The following NLGN1 variants were observed in gnomAD, a reference collection of about 807,000 sequenced individuals.
The protein encoded by NLGN1 is neuroligin 1, also known as neuroligin-1.
Under a neutral mutation model 65.5 loss-of-function variants are expected in NLGN1, and 12 were observed. The ratio of observed to expected loss-of-function variants is 0.18; its 90% CI spans 0.12 to 0.30. The LOEUF (loss-of-function observed/expected upper bound fraction) is 0.30. Among genes scored for constraint, NLGN1 ranks in the 10% least tolerant of loss-of-function variants. The pLI is 1.00. For missense variants in NLGN1, 750 were observed against 1,007.1 expected, an observed-to-expected ratio of 0.74 and a Z score of 3.46; for synonymous variants, 350 against 359.5, an observed-to-expected ratio of 0.97 and a Z score of 0.30.
At chr3:173,492,007 T>A (rs945509490) in intron 2 of NLGN1, among the ~76,000 whole-genome samples, 9 of 151,750 alleles carry the variant, frequency 5.9e-5, no homozygotes, top group African/African-American at 2.2e-4. Flanking sequence ...TAATTCCTCC[T>A]CACTGACAAG....
chr3:173,771,818 C>T (rs191895867), intron 3 of NLGN1, among the ~76,000 whole-genome samples: 27 of 151,696 alleles, frequency 1.8e-4, no homozygotes, highest in African/African-American at 5.6e-4. Context: ...GGGAGCCTTT[C>T]GGGCAGAAAA....
At chr3:173,799,428 AT>A (rs1483263917) in intron 3 of NLGN1, among the ~76,000 whole-genome samples, 2 of 152,012 alleles carry the variant, frequency 1.3e-5, no homozygotes, top group African/African-American at 4.8e-5. Flanking sequence ...TAAAACACTT[AT>A]TAAGCATTCA....
intron 4 of NLGN1, among the ~76,000 whole-genome samples, chr3:173,810,443 GT>G (rs1471603963): frequency 2.6e-5 from 4 of 152,166 alleles, no homozygotes. Flanking sequence ...CCTGAGCTGT[GT>G]TTTCACTGGG....
At chr3:173,426,514 T>C (rs1003018552) in intron 1 of NLGN1, among the ~76,000 whole-genome samples, 30 of 152,108 alleles carry the variant, frequency 2.0e-4, no homozygotes, top group Non-Finnish European at 4.1e-4. Flanking sequence ...TTTTTCTATA[T>C]TTGTTGAGAG....
intron 2 of NLGN1, among the ~76,000 whole-genome samples, chr3:173,552,616 G>T (rs907219942): frequency 2.6e-5 from 4 of 152,072 alleles, no homozygotes; most frequent in African/African-American, 7.2e-5. Context: ...TCTCCACAAG[G>T]CCAGAGTTCT....
chr3:173,458,168 A>G (rs1407704447), intron 2 of NLGN1, among the ~76,000 whole-genome samples: 3 of 152,082 alleles, frequency 2.0e-5, no homozygotes, highest in South Asian at 2.1e-4. Context: ...TAGAGAAAGC[A>G]TTGGAGAGTG....
chr3:174,255,643 A>G lies in NLGN1; in HGVS notation c.647-19672A>G, dbSNP rs1448164093. 2.0e-5 allele frequency among the ~76,000 whole-genome samples: 3 copies of G among 147,092 alleles called. No homozygotes were observed. In the East Asian group the frequency reaches 6.0e-4, roughly 29 times the overall value. ...TCTCTTTCTTTCTTTTCTTCTATTT[A>G]TTTATTTATTTATTTATTTATTTAT... On this transcript the variant is annotated intron_variant, in intron 4 of 6. Transcript: ENST00000457714.
intron 3 of NLGN1, among the ~76,000 whole-genome samples, chr3:173,655,250 A>G (rs1419101067): frequency 1.3e-5 from 2 of 152,176 alleles, no homozygotes; most frequent in Non-Finnish European, 2.9e-5. Context: ...CTGTTTCTTT[A>G]CATAAACTCT....
intron 4 of NLGN1, among the ~76,000 whole-genome samples, chr3:173,820,714 A>T (rs1467439647): frequency 6.6e-6 from 1 of 152,202 alleles, no homozygotes. Context: ...ACTCTACTGT[A>T]AGATATTTAC....
At chr3:173,402,431 A>C (rs1717866381) in intron 1 of NLGN1, among the ~76,000 whole-genome samples, 1 of 152,184 alleles carries the variant, frequency 6.6e-6, no homozygotes, top group South Asian at 2.1e-4. Flanking sequence ...TAGAAATATA[A>C]AAGATGGTGT....
chr3:173,986,878 C>G (rs1158911865), intron 4 of NLGN1, among the ~76,000 whole-genome samples: 1 of 152,144 alleles, frequency 6.6e-6, no homozygotes, highest in East Asian at 1.9e-4. Flanking sequence ...TTCTTGTGCC[C>G]TAGAGTAGCT....
intron 4 of NLGN1, among the ~76,000 whole-genome samples, chr3:174,254,517 G>A (rs16858480): frequency 0.11 from 17,138 of 151,656 alleles, 1,776 homozygotes; most frequent in African/African-American, 0.27. Flanking sequence ...ACCATTCTTG[G>A]TTGTCACCTT....
At chr3:173,563,832 T>G (rs565966688) in intron 2 of NLGN1, among the ~76,000 whole-genome samples, 1 of 152,340 alleles carries the variant, frequency 6.6e-6, no homozygotes, top group African/African-American at 2.4e-5. Context: ...ACAGGCTTCT[T>G]GCTCGTCTTC....
chr3:173,857,307 GTGTT>G (rs1440973310), intron 4 of NLGN1, among the ~76,000 whole-genome samples: 3 of 152,020 alleles, frequency 2.0e-5, no homozygotes, highest in Non-Finnish European at 2.9e-5. Flanking sequence ...CACACCACTT[GTGTT>G]CAAACCCTGA....
chr3:173,641,353 G>A (rs1226344143), intron 3 of NLGN1, among the ~76,000 whole-genome samples: 2 of 151,766 alleles, frequency 1.3e-5, no homozygotes, highest in South Asian at 2.1e-4. Flanking sequence ...TCCTTCTGTC[G>A]CCCAGGCTGC....
intron 4 of NLGN1, among the ~76,000 whole-genome samples, chr3:173,979,376 AAGTATTAATAAGTG>A (rs1353453782): frequency 2.0e-5 from 3 of 152,156 alleles, no homozygotes; most frequent in Non-Finnish European, 4.4e-5. Context: ...ACATAAAATG[AAGTATTAATAAGTG>A]GGAAAGAATG....
At chr3:173,457,413 G>A (rs1722684603) in intron 2 of NLGN1, among the ~76,000 whole-genome samples, 1 of 152,086 alleles carries the variant, frequency 6.6e-6, no homozygotes, top group South Asian at 2.1e-4. Context: ...AAAGACAAGT[G>A]TGACTTGAGT....
intron 2 of NLGN1, among the ~76,000 whole-genome samples, chr3:173,516,223 A>C (rs564128024): frequency 2.6e-5 from 4 of 152,106 alleles, no homozygotes; most frequent in Non-Finnish European, 5.9e-5. Flanking sequence ...GAATAATACA[A>C]GGGTAAGAGT....
In NLGN1 at chr3:174,258,999, A is replaced by T. The variant is rs1746330095; in HGVS notation, c.647-16316A>T. Among the ~76,000 whole-genome samples, 4 of 152,168 alleles carry T rather than the reference A, an allele frequency of 2.6e-5. No homozygotes were observed. The South Asian group carries it at 8.3e-4, about 32-fold the overall frequency. On this transcript the variant is annotated intron_variant, in intron 4 of 6. Coordinates refer to ENST00000457714, the Ensembl canonical transcript of NLGN1. Reference sequence around the variant, plus strand: ...ATACTGAAAGTATTGAAAAGTTTTAAAATCACTAAATCAGTCAGAATAGCT... The same window carrying T: ...ATACTGAAAGTATTGAAAAGTTTTATAATCACTAAATCAGTCAGAATAGCT...
Sources: allele counts gnomAD v4.1 joint callset (sites outside exome capture counted in the v4.1 genomes callset), GRCh38; gene constraint gnomAD v4.1.1; transcripts MANE v1.5; gene names NCBI Gene and HGNC (gene_info 2026-07-23, HGNC 2026-07-21).